RAB6A: variants seen among roughly 807,000 people sequenced by gnomAD.
The protein encoded by RAB6A is ras-related protein Rab-6A.
RAB6A carries 8 observed loss-of-function variants against 32.3 expected under a neutral mutation model. The observed-to-expected ratio is 0.25, with a 90% CI of 0.15 to 0.45. The LOEUF (loss-of-function observed/expected upper bound fraction) is 0.45. Ranked by LOEUF, RAB6A falls within the 20% of genes least tolerant of loss-of-function variation. The probability of loss-of-function intolerance (pLI) is 1.00; values close to 1 mark genes in which losing one functional copy is unlikely to be tolerated. For synonymous variants in RAB6A, 73 were observed against 82.1 expected (o/e 0.89, Z 0.60); for missense variants, 104 against 249.4 (o/e 0.42, Z 3.93).
At chr11:73,724,768 G>C (rs573580975) in intron 2 of RAB6A, among the ~76,000 whole-genome samples, 11 of 152,346 alleles carry the variant, frequency 7.2e-5, no homozygotes, top group East Asian at 3.9e-4. Flanking sequence ...TTACAGGCGT[G>C]AGCCACTGCG....
intron 6 of RAB6A, among the ~76,000 whole-genome samples, chr11:73,693,223 G>C (rs1185091388): frequency 6.6e-6 from 1 of 151,978 alleles, no homozygotes; most frequent in Non-Finnish European, 1.5e-5. Flanking sequence ...GGGAGGCAGA[G>C]GTTGCAGTGA....
At chr11:73,682,960 A>T (rs929584476) in intron 6 of RAB6A, among the ~76,000 whole-genome samples, 1 of 152,178 alleles carries the variant, frequency 6.6e-6, no homozygotes, top group South Asian at 2.1e-4. Flanking sequence ...CATTAGGAAA[A>T]ACTCCAATGT....
chr11:73,711,676 T>A (rs997528865), intron 5 of RAB6A, among the ~76,000 whole-genome samples: 1 of 152,228 alleles, frequency 6.6e-6, no homozygotes, highest in Non-Finnish European at 1.5e-5. Flanking sequence ...TAAATGTCGA[T>A]ATTAGATATT....
intron 2 of RAB6A, among the ~76,000 whole-genome samples, chr11:73,728,763 A>C (rs1371071673): frequency 6.6e-6 from 1 of 151,862 alleles, no homozygotes; most frequent in Non-Finnish European, 1.5e-5. Context: ...TCTGTAGTTT[A>C]ATTTTGATAT....
At chr11:73,710,103 C>T (rs1216858550) in intron 5 of RAB6A, among the ~76,000 whole-genome samples, 1 of 145,870 alleles carries the variant, frequency 6.9e-6, no homozygotes, top group African/African-American at 2.5e-5. Context: ...GGATTACAGG[C>T]TCCCGCCACC....
At chr11:73,744,712 T>C (rs2135001078) in intron 1 of RAB6A, among the ~76,000 whole-genome samples, 1 of 152,118 alleles carries the variant, frequency 6.6e-6, no homozygotes, top group East Asian at 1.9e-4. Context: ...CGCGGTGGCT[T>C]ACGCCTGTAA....
intron 3 of RAB6A, 51 bp from the exon 4 acceptor site, chr11:73,718,769 G>A (rs371286417): frequency 1.5e-5 from 24 of 1,613,716 alleles, no homozygotes; most frequent in Non-Finnish European, 1.8e-5. Flanking sequence ...AGGTCAACCC[G>A]TTGCAATATA....
rs1555066298 is a variant in RAB6A, at chr11:73,735,937, A to AAG, written c.71-5116_71-5115dup. On this transcript the variant is annotated intron_variant, in intron 1 of 7. Transcript: ENST00000336083. ...CCTTGCCTTAAAAAAAAAAAAAAAA[A>AAG]AGAGAGAGAGAGACAGAGAGAGATA... Among the ~76,000 whole-genome samples, 289 of 123,576 alleles carry AAG rather than the reference A, an allele frequency of 2.3e-3. 68 individuals carry two copies. The highest frequency in any genetic ancestry group is 0.023 in the Middle Eastern group (5 of 222). 81.1% of individuals were successfully genotyped at this position (123,576 alleles called of 152,430 possible). A position where few individuals can be genotyped will look rare whatever the true frequency, so the allele number is the denominator to read the frequency against.
intron 1 of RAB6A, 126 bp downstream of exon 1, chr11:73,760,440 G>A: frequency 7.8e-7 from 1 of 1,283,854 alleles, no homozygotes. Context: ...ACATCGGGAA[G>A]GGCTGCGGTG....
At position 73,729,056 on chromosome 11, in the gene RAB6A, T is replaced by C. The variant is rs115541487; in HGVS notation, c.129+1709A>G. On this transcript the variant is annotated intron_variant, in intron 2 of 7. Coordinates refer to ENST00000336083, the MANE Select transcript of RAB6A (RefSeq NM_198896.2). ...TTGTCCATTTTACCTGTCATCTAAT[T>C]AGTTAGCATTTAATTGTTCACACCA... 6.6e-3 allele frequency among the ~76,000 whole-genome samples: 998 copies of C among 152,304 alleles called. 14 individuals carry two copies. Among genetic ancestry groups the C allele is most frequent in the African/African-American group, 0.023 (954 of 41,570 alleles).
chr11:73,756,158 G>C (rs1946747972), intron 1 of RAB6A, among the ~76,000 whole-genome samples: 1 of 151,952 alleles, frequency 6.6e-6, no homozygotes, highest in South Asian at 2.1e-4. Context: ...TTTGAGACCA[G>C]CCTGGGCAAC....
chr11:73,744,764 C>G (rs975725361), intron 1 of RAB6A, among the ~76,000 whole-genome samples: 2 of 152,060 alleles, frequency 1.3e-5, no homozygotes, highest in South Asian at 2.1e-4. Flanking sequence ...GTCATGAGGT[C>G]AAGAGATCGA....
intron 5 of RAB6A, among the ~76,000 whole-genome samples, chr11:73,711,699 C>T (rs759902572): frequency 6.6e-6 from 1 of 151,886 alleles, no homozygotes. Flanking sequence ...CAAAAATCAA[C>T]TCTCTCTCCT....
intron 1 of RAB6A, among the ~76,000 whole-genome samples, chr11:73,747,741 T>C (rs1946613576): frequency 6.6e-6 from 1 of 152,198 alleles, no homozygotes; most frequent in African/African-American, 2.4e-5. Context: ...TTTCATGACA[T>C]GGACACTTTC....
chr11:73,689,534 C>T lies in RAB6A; in HGVS notation c.496-9814G>A, dbSNP rs537001661. On this transcript the variant is annotated intron_variant, in intron 6 of 7. Coordinates refer to ENST00000336083, the MANE Select transcript of RAB6A (RefSeq NM_198896.2). The stretch of plus-strand genomic sequence containing the variant: ...GACCCCTGACCTACATCGTAATAAC[C>T]TTGGTCTCCACAACCTTTTATCTTA... 1.2e-4 allele frequency among the ~76,000 whole-genome samples: 18 copies of T among 152,274 alleles called. No homozygotes were observed. The South Asian group carries it at 3.7e-3, about 32-fold the overall frequency.
At chr11:73,713,588 A>G (rs1463528285) in intron 5 of RAB6A, among the ~76,000 whole-genome samples, 1 of 151,808 alleles carries the variant, frequency 6.6e-6, no homozygotes, top group African/African-American at 2.4e-5. Flanking sequence ...AAAAGAAAAT[A>G]CTGTGTGCAT....
At chr11:73,739,055 G>A (rs1381902403) in intron 1 of RAB6A, among the ~76,000 whole-genome samples, 1 of 150,492 alleles carries the variant, frequency 6.6e-6, no homozygotes, top group Non-Finnish European at 1.5e-5. Flanking sequence ...ATCACTTGAG[G>A]TCAGGAGTTC....
intron 5 of RAB6A, among the ~76,000 whole-genome samples, chr11:73,714,373 A>T (rs1438901897): frequency 6.6e-6 from 1 of 151,836 alleles, no homozygotes; most frequent in Non-Finnish European, 1.5e-5. Context: ...CTATTTAAAA[A>T]TGAAGAGGCC....
At chr11:73,740,846 C>T (rs145693179) in intron 1 of RAB6A, among the ~76,000 whole-genome samples, 6,375 of 151,778 alleles carry the variant, frequency 0.042, 186 homozygotes, top group Middle Eastern at 0.085. Flanking sequence ...CGAGATCACG[C>T]CAGTGCACTC....
Sources: gnomAD v4.1 joint callset for allele counts (sites outside exome capture counted in the v4.1 genomes callset) on GRCh38, gnomAD v4.1.1 for gene constraint, MANE v1.5 for transcripts, NCBI Gene and HGNC (gene_info 2026-07-23, HGNC 2026-07-21) for gene names.